Variants in ERBB4 observed in about 807,000 individuals in gnomAD.
ERBB4 encodes the protein receptor tyrosine-protein kinase erbB-4.
In ERBB4, 42 loss-of-function variants were observed where a neutral mutation model predicts 158.0. The ratio of observed to expected loss-of-function variants is 0.27; its 90% confidence interval spans 0.21 to 0.34. The LOEUF is 0.34. ERBB4 is among the 10% of genes least tolerant of loss of function. The pLI, the probability that ERBB4 is intolerant of heterozygous loss-of-function variation, is 1.00. For missense variants in ERBB4, 1,333 were observed against 1,624.1 expected (o/e 0.82, Z 3.08); for synonymous variants, 583 against 558.7 (o/e 1.04, Z -0.61).
At chr2:211,779,945 C>T (rs1485615680) in intron 4 of ERBB4, among the ~76,000 whole-genome samples, 1 of 152,128 alleles carries the variant, frequency 6.6e-6, no homozygotes, top group East Asian at 1.9e-4. Context: ...CTTCAAAATG[C>T]CACATCTCCT....
At chr2:211,786,899 A>G (rs1191302150) in intron 4 of ERBB4, among the ~76,000 whole-genome samples, 2 of 152,220 alleles carry the variant, frequency 1.3e-5, no homozygotes, top group East Asian at 3.8e-4. Context: ...GTAATTTTAC[A>G]AAGTAGGCAA....
At chr2:211,511,659 A>G (rs951553635) in intron 20 of ERBB4, among the ~76,000 whole-genome samples, 2 of 152,108 alleles carry the variant, frequency 1.3e-5, no homozygotes, top group Non-Finnish European at 2.9e-5. Context: ...ATGCCAGTTC[A>G]ATTTCAGAAT....
chr2:211,472,438 G>T (rs1408161059), intron 20 of ERBB4, among the ~76,000 whole-genome samples: 4 of 150,908 alleles, frequency 2.7e-5, no homozygotes, highest in Admixed American at 1.3e-4. Flanking sequence ...ACTCAAATTT[G>T]GTACCATCTT....
At chr2:211,673,105 A>T in intron 14 of ERBB4, 59 bp downstream of exon 14, 1 of 1,227,172 alleles carries the variant, frequency 8.1e-7, no homozygotes, top group Admixed American at 1.7e-5. Flanking sequence ...TAAAATAATA[A>T]CAAACATTCA....
intron 19 of ERBB4, among the ~76,000 whole-genome samples, chr2:211,585,951 T>C (rs1464800094): frequency 6.6e-6 from 1 of 152,186 alleles, no homozygotes; most frequent in African/African-American, 2.4e-5. Context: ...GGATTATCAT[T>C]TTACTTGAAA....
intron 1 of ERBB4, among the ~76,000 whole-genome samples, chr2:212,468,708 C>T (rs544222433): frequency 5.8e-4 from 88 of 152,268 alleles, no homozygotes; most frequent in East Asian, 2.9e-3. Context: ...TGGTATTTCA[C>T]GAGAGTGGTA....
chr2:211,964,634 T>G (rs2081265562), intron 2 of ERBB4, among the ~76,000 whole-genome samples: 4 of 152,134 alleles, frequency 2.6e-5, no homozygotes, highest in African/African-American at 9.7e-5. Context: ...TCTGATATAA[T>G]CTCTACTAGC....
chr2:212,425,747 G>T (rs1428003161), intron 1 of ERBB4, among the ~76,000 whole-genome samples: 1 of 151,810 alleles, frequency 6.6e-6, no homozygotes, highest in African/African-American at 2.4e-5. Context: ...ATCTATCAAT[G>T]AACAACATCT....
intron 2 of ERBB4, among the ~76,000 whole-genome samples, chr2:212,043,233 C>T (rs187703793): frequency 3.9e-5 from 6 of 152,276 alleles, no homozygotes; most frequent in Admixed American, 1.3e-4. Flanking sequence ...AAGTCCTTAA[C>T]TGTGATTTGA....
At chr2:211,661,190 T>G (rs901634674) in intron 15 of ERBB4, among the ~76,000 whole-genome samples, 1 of 152,194 alleles carries the variant, frequency 6.6e-6, no homozygotes, top group South Asian at 2.1e-4. Context: ...AGAGTATGAC[T>G]GAAGTGGCAC....
rs141284454 is a variant in ERBB4 at position 211,597,127 on chromosome 2, T to C, written c.2301+22050A>G. Reference sequence around the variant, plus strand: ...ACTTGTTATTTCTGTCCTAAAAACATGAAGAAGCAAGGAAAAATGCAATAT... The same window carrying C: ...ACTTGTTATTTCTGTCCTAAAAACACGAAGAAGCAAGGAAAAATGCAATAT... On this transcript the variant is annotated intron_variant, in intron 19 of 27. Transcript: ENST00000342788. 6.5e-3 allele frequency among the ~76,000 whole-genome samples: 988 copies of C among 152,170 alleles called. 15 individuals carry two copies. The highest frequency in any genetic ancestry group is 0.023 in the African/African-American group (954 of 41,506).
chr2:211,380,868 C>T lies in ERBB4; in HGVS notation c.*2747G>A, dbSNP rs1450680079. Reference sequence around the variant, plus strand: ...CTTAACAGTTAAAAGTTTGTTTTAACTATTCATTTTTTCCTTCTCCAAAAT... The same window carrying T: ...CTTAACAGTTAAAAGTTTGTTTTAATTATTCATTTTTTCCTTCTCCAAAAT... On this transcript the variant is annotated 3_prime_UTR_variant, in exon 28 of 28. Coordinates refer to ENST00000342788, the MANE Select transcript of ERBB4 (RefSeq NM_005235.3). 1 of 231,650 alleles carries T rather than the reference C, an allele frequency of 4.3e-6. No homozygotes were observed. The highest frequency in any genetic ancestry group is 6.1e-5 in the East Asian group (1 of 16,382). The allele number at this position is 231,650 out of a possible 1,614,324, so 14.3% of individuals were successfully genotyped here.
At chr2:212,280,043 T>G (rs763299352) in intron 1 of ERBB4, among the ~76,000 whole-genome samples, 2 of 151,606 alleles carry the variant, frequency 1.3e-5, no homozygotes, top group Non-Finnish European at 3.0e-5. Context: ...TAAAGAAATT[T>G]TCTTCAAAAA....
At chr2:212,334,219 A>G (rs1560045381) in intron 1 of ERBB4, among the ~76,000 whole-genome samples, 1 of 151,918 alleles carries the variant, frequency 6.6e-6, no homozygotes, top group African/African-American at 2.4e-5. Context: ...TGCTCTCTTC[A>G]TCTCTCTCTT....
intron 2 of ERBB4, among the ~76,000 whole-genome samples, chr2:212,033,829 T>C (rs2076955512): frequency 6.6e-6 from 1 of 151,894 alleles, no homozygotes; most frequent in Non-Finnish European, 1.5e-5. Flanking sequence ...TGAGTTTGAG[T>C]TTACTCATGT....
intron 2 of ERBB4, among the ~76,000 whole-genome samples, chr2:212,041,966 T>C (rs2077151631): frequency 1.3e-5 from 2 of 152,108 alleles, no homozygotes; most frequent in South Asian, 4.1e-4. Context: ...ACCGTATAAT[T>C]AGCTGATGAG....
intron 1 of ERBB4, among the ~76,000 whole-genome samples, chr2:212,512,214 C>T (rs1691562032): frequency 6.6e-6 from 1 of 152,144 alleles, no homozygotes; most frequent in Non-Finnish European, 1.5e-5. Context: ...TTCTACACTA[C>T]ACCTTTGGAG....
At chr2:212,155,700 T>C (rs143298520) in intron 1 of ERBB4, among the ~76,000 whole-genome samples, 2,091 of 152,218 alleles carry the variant, frequency 0.014, 40 homozygotes, top group African/African-American at 0.047. Context: ...TTGAAATTTA[T>C]CATTCCCATC....
At chr2:212,283,788 A>T (rs963609734) in intron 1 of ERBB4, among the ~76,000 whole-genome samples, 5 of 152,060 alleles carry the variant, frequency 3.3e-5, no homozygotes, top group African/African-American at 1.2e-4. Flanking sequence ...AAAAATAGTT[A>T]CTATAGTGAC....
Sources: allele counts gnomAD v4.1 joint callset (sites outside exome capture counted in the v4.1 genomes callset), GRCh38; gene constraint gnomAD v4.1.1; transcripts MANE v1.5; gene names NCBI Gene and HGNC (gene_info 2026-07-23, HGNC 2026-07-21).